The following GABRA4 variants were observed in gnomAD, a reference collection of about 807,000 sequenced individuals.
The protein encoded by GABRA4 is gamma-aminobutyric acid receptor subunit alpha-4.
In GABRA4, 12 loss-of-function variants were observed where a neutral mutation model predicts 49.7. That is an observed-to-expected ratio of 0.24 (90% CI 0.15 to 0.39). The LOEUF (loss-of-function observed/expected upper bound fraction) is 0.39, where lower values mean the gene tolerates loss of function less well. GABRA4 is among the 10% of genes least tolerant of loss of function. GABRA4 has a pLI of 1.00. For missense variants in GABRA4, 506 were observed against 686.0 expected, an observed-to-expected ratio of 0.74 and a Z score of 2.93; for synonymous variants, 288 against 240.2, an observed-to-expected ratio of 1.20 and a Z score of -1.84.
intron 2 of GABRA4, among the ~76,000 whole-genome samples, chr4:46,983,554 T>A (rs929488971): frequency 9.2e-5 from 14 of 152,078 alleles, no homozygotes; most frequent in African/African-American, 3.4e-4. Context: ...ACTAAAAATA[T>A]TCCCCATTTT....
At chr4:46,939,349 T>C (rs1217006041) in intron 8 of GABRA4, among the ~76,000 whole-genome samples, 1 of 152,072 alleles carries the variant, frequency 6.6e-6, no homozygotes, top group Non-Finnish European at 1.5e-5. Flanking sequence ...TCAATATTTC[T>C]ACAATGTATT....
chr4:46,993,038 A>G, intron 1 of GABRA4, 92 bp from the exon 2 acceptor site: 1 of 989,120 alleles, frequency 1.0e-6, no homozygotes, highest in Non-Finnish European at 1.6e-6. Context: ...TTCTAGGGAA[A>G]GAGTCGCTTG....
intron 8 of GABRA4, among the ~76,000 whole-genome samples, chr4:46,962,948 G>C (rs568009181): frequency 6.6e-6 from 1 of 151,768 alleles, no homozygotes; most frequent in East Asian, 2.0e-4. Context: ...CCATATACAA[G>C]AATCAAATCA....
intron 2 of GABRA4, among the ~76,000 whole-genome samples, chr4:46,985,821 G>A (rs1163870583): frequency 2.6e-5 from 4 of 151,294 alleles, no homozygotes; most frequent in Non-Finnish European, 5.9e-5. Context: ...TAGTAAAGTT[G>A]CACTCTGAAT....
rs1383078465 is a variant in GABRA4, at chr4:46,956,064, ATAGT to A, written c.1134+8902_1134+8905del. Among the ~76,000 whole-genome samples the A allele has an allele frequency of 7.2e-5, 11 of 152,134 alleles. No homozygotes were observed. In the East Asian group the frequency reaches 1.4e-3, roughly 19 times the overall value. ...CATAAAAAATGGCTGGAGATGAAAC[ATAGT>A]TAGTTCTAATATATTGGGCACTTAA... On this transcript the variant is annotated intron_variant, in intron 8 of 8. Transcript: ENST00000264318.
At chr4:46,936,873 A>G (rs2109343231) in intron 8 of GABRA4, among the ~76,000 whole-genome samples, 1 of 152,318 alleles carries the variant, frequency 6.6e-6, no homozygotes, top group Middle Eastern at 3.4e-3. Flanking sequence ...TCTTCAACAT[A>G]TAAATTGCAA....
chr4:46,965,072 G>A lies in GABRA4; in HGVS notation c.1032C>T (p.Thr344=). 2.5e-6 allele frequency: 4 copies of A among 1,612,088 alleles called. No homozygotes were observed. Among genetic ancestry groups the A allele is most frequent in the Non-Finnish European group, 3.4e-6 (4 of 1,178,838 alleles). The change falls in exon 8 of 9, where the codon ACC becomes ACT. Residue 344 remains threonine (T), a synonymous_variant. Transcript: ENST00000264318. ...TTTTGGCTTTTTCCATTTGAATATT[G>A]GTGAAATAGTTGACAGCAGCAAACT... ...LIEFAAVNYF[T]NIQMEKAKRK...
intron 8 of GABRA4, among the ~76,000 whole-genome samples, chr4:46,930,767 C>A (rs929481716): frequency 6.6e-6 from 1 of 151,258 alleles, no homozygotes; most frequent in East Asian, 2.0e-4. Flanking sequence ...TCCCTTCCAG[C>A]CAAAATGAAG....
chr4:46,947,141 A>G (rs1240658504), intron 8 of GABRA4, among the ~76,000 whole-genome samples: 1 of 151,862 alleles, frequency 6.6e-6, no homozygotes, highest in Admixed American at 6.6e-5. Context: ...TCATTCCTAC[A>G]AATAACATGT....
At chr4:46,950,098 C>T (rs1376455395) in intron 8 of GABRA4, among the ~76,000 whole-genome samples, 1 of 152,118 alleles carries the variant, frequency 6.6e-6, no homozygotes, top group African/African-American at 2.4e-5. Flanking sequence ...TTTTCAGGAT[C>T]AGCTAAGGCT....
At chr4:46,971,272 C>T (rs974891114) in intron 6 of GABRA4, 37 bp from the exon 7 acceptor site, 3 of 1,596,256 alleles carry the variant, frequency 1.9e-6, no homozygotes, top group Non-Finnish European at 2.6e-6. Flanking sequence ...GTTATCGGTT[C>T]TGCAGGCAAT....
At chr4:46,967,254 C>T (rs538705356) in intron 7 of GABRA4, among the ~76,000 whole-genome samples, 1 of 151,488 alleles carries the variant, frequency 6.6e-6, no homozygotes, top group East Asian at 2.0e-4. Flanking sequence ...AATAATACTA[C>T]TCAGTACTCA....
chr4:46,941,161 A>C (rs565004243), intron 8 of GABRA4, among the ~76,000 whole-genome samples: 2 of 152,144 alleles, frequency 1.3e-5, no homozygotes, highest in African/African-American at 4.8e-5. Context: ...GAAGACCCAA[A>C]TATCTAGTAG....
At chr4:46,934,910 G>T (rs1254435565) in intron 8 of GABRA4, among the ~76,000 whole-genome samples, 2 of 152,178 alleles carry the variant, frequency 1.3e-5, no homozygotes, top group African/African-American at 2.4e-5. Context: ...CTGAAATCAT[G>T]CCAGGAACTG....
intron 5 of GABRA4, among the ~76,000 whole-genome samples, chr4:46,975,711 G>A (rs553524478): frequency 9.5e-4 from 144 of 151,986 alleles, no homozygotes; most frequent in Non-Finnish European, 1.6e-3. Flanking sequence ...CTTTTTCTGA[G>A]AACTAGAGGT....
At chr4:46,945,675 C>T (rs1165744926) in intron 8 of GABRA4, among the ~76,000 whole-genome samples, 2 of 151,862 alleles carry the variant, frequency 1.3e-5, no homozygotes, top group Non-Finnish European at 2.9e-5. Flanking sequence ...AAAATAAGAC[C>T]CTATAGGAGG....
At chr4:46,984,119 A>G (rs1723454169) in intron 2 of GABRA4, among the ~76,000 whole-genome samples, 1 of 152,062 alleles carries the variant, frequency 6.6e-6, no homozygotes, top group South Asian at 2.1e-4. Flanking sequence ...ATCTCCAATA[A>G]TGATGTCTAA....
At chr4:46,935,911 C>A (rs902633456) in intron 8 of GABRA4, among the ~76,000 whole-genome samples, 2 of 151,764 alleles carry the variant, frequency 1.3e-5, no homozygotes, top group African/African-American at 4.9e-5. Context: ...CAAATAAATA[C>A]AAAATGCAAT....
At position 46,977,049 on chromosome 4, in the gene GABRA4, A is replaced by G. The variant is rs762055184; in HGVS notation, c.577+12T>C. The G allele has an allele frequency of 1.9e-6, 3 of 1,556,980 alleles. No homozygotes were observed. The highest frequency in any genetic ancestry group is 2.6e-6 in the Non-Finnish European group (3 of 1,132,126). On this transcript the variant is annotated intron_variant, in intron 5 of 8. Coordinates refer to ENST00000264318, the MANE Select transcript of GABRA4 (RefSeq NM_000809.4). ...AATCATAAATTCTAGCAAAATTTTT[A>G]TTATAACTTACAACTCCCGAATTTC...
Sources: allele counts gnomAD v4.1 joint callset (sites outside exome capture counted in the v4.1 genomes callset), GRCh38; gene constraint gnomAD v4.1.1; transcripts MANE v1.5; gene names NCBI Gene and HGNC (gene_info 2026-07-23, HGNC 2026-07-21).